NIBAN1: variants seen among roughly 807,000 people sequenced by gnomAD.
NIBAN1 encodes the protein protein Niban 1.
A neutral mutation model predicts 75.1 loss-of-function variants in NIBAN1; 81 were observed. The ratio of observed to expected loss-of-function variants is 1.08; its 90% CI spans 0.90 to 1.30. NIBAN1 has a LOEUF of 1.30. Ranked by LOEUF, NIBAN1 falls within the 50% of genes most tolerant of loss-of-function variation. The pLI, the probability that NIBAN1 is intolerant of heterozygous loss-of-function variation, is 0.00. For missense variants in NIBAN1, 1,133 were observed against 1,128.1 expected, an observed-to-expected ratio of 1.00 and a Z score of -0.06; for synonymous variants, 436 against 424.8, an observed-to-expected ratio of 1.03 and a Z score of -0.32.
chr1:184,944,641 A>G (rs2102054532), intron 1 of NIBAN1, among the ~76,000 whole-genome samples: 1 of 152,358 alleles, frequency 6.6e-6, no homozygotes, highest in East Asian at 1.9e-4. Flanking sequence ...GACAGTAAAG[A>G]AAGCAATGCT....
chr1:184,884,366 G>C (rs1406154997), intron 5 of NIBAN1, among the ~76,000 whole-genome samples: 3 of 151,898 alleles, frequency 2.0e-5, no homozygotes, highest in Non-Finnish European at 4.4e-5. Flanking sequence ...TGGGATTACA[G>C]GTGCCCACCA....
intron 12 of NIBAN1, among the ~76,000 whole-genome samples, chr1:184,798,541 G>T (rs1653941618): frequency 6.6e-6 from 1 of 152,006 alleles, no homozygotes; most frequent in Admixed American, 6.6e-5. Flanking sequence ...TCATCTCAAG[G>T]CCTCATTAGC....
At chr1:184,831,657 TG>T (rs773011111) in intron 6 of NIBAN1, among the ~76,000 whole-genome samples, 189 bp downstream of exon 6, 8 of 152,232 alleles carry the variant, frequency 5.3e-5, no homozygotes, top group Non-Finnish European at 8.8e-5. Flanking sequence ...ATGCCCAGTC[TG>T]GTGGTCTTTG....
rs572700901 is a variant in NIBAN1 at position 184,831,859 on chromosome 1, C to T, written c.705G>A (p.Gly235=). Residue 235 remains glycine, a synonymous_variant, in exon 6 of 14, where the codon GGG becomes GGA. Coordinates refer to ENST00000367511, the MANE Select transcript of NIBAN1 (RefSeq NM_052966.4). ...AACCCCATATTACCTGGATTTCATC[C>T]CCAGTGATCATTTCCCAGGAACCAT... ...GHYGSWEMIT[G]DEIQILSNLV... The T allele has an allele frequency of 1.9e-6, 3 of 1,613,718 alleles. No individual in the cohort carries two copies. The highest frequency in any genetic ancestry group is 2.2e-5 in the East Asian group (1 of 44,870).
rs111608727 is a variant in NIBAN1 at position 184,829,608 on chromosome 1, C to T, written c.717+2239G>A. ...TCAGCCTCCCAAGCAGCTGGGATTA[C>T]AGGACCGCCACCATGCCCAGCTAAT... is the stretch of plus-strand genomic sequence containing the variant. On this transcript the variant is annotated intron_variant, in intron 6 of 13. Transcript: ENST00000367511. Among the ~76,000 whole-genome samples, 272 of 151,740 alleles carry T rather than the reference C, an allele frequency of 1.8e-3. 3 individuals are homozygous for T. Among genetic ancestry groups the T allele is most frequent in the African/African-American group, 6.4e-3 (264 of 41,360 alleles).
rs1174066517 is a variant in NIBAN1, at chr1:184,827,953, G to GTTT, written c.717+3891_717+3893dup. 3.0e-4 allele frequency among the ~76,000 whole-genome samples: 30 copies of GTTT among 100,274 alleles called. 6 individuals carry two copies. Among genetic ancestry groups the GTTT allele is most frequent in the Non-Finnish European group, 5.2e-4 (23 of 44,280 alleles). The allele number at this position is 100,274 out of a possible 152,430, so 65.8% of individuals were successfully genotyped here. On this transcript the variant is annotated intron_variant, in intron 6 of 13. Transcript: ENST00000367511. ...AAGGCCTAAAAATGCGGGTAGTTTT[G>GTTT]TTTTTTGTTTTTTTTTTTTTTTTCC... is the stretch of plus-strand genomic sequence containing the variant.
At chr1:184,857,155 T>C (rs1246168700) in intron 5 of NIBAN1, among the ~76,000 whole-genome samples, 1 of 152,188 alleles carries the variant, frequency 6.6e-6, no homozygotes, top group Non-Finnish European at 1.5e-5. Flanking sequence ...TTCCAACAGA[T>C]AGAGTGCAAG....
intron 5 of NIBAN1, chr1:184,867,824 C>T: frequency 1.0e-6 from 1 of 982,106 alleles, no homozygotes; most frequent in Non-Finnish European, 1.2e-6. Flanking sequence ...GTTTTGCCCC[C>T]AGCATCTAAG....
chr1:184,847,073 T>A lies in NIBAN1; in HGVS notation c.602-15111A>T, dbSNP rs2102260039. ...CTGCAGGATATTATCCAGGAGAACT[T>A]CCCCAATCTAGCAAGGCAGGCCAAC... On this transcript the variant is annotated intron_variant, in intron 5 of 13. Transcript: ENST00000367511. Among the ~76,000 whole-genome samples, 2 of 72,848 alleles carry A rather than the reference T, an allele frequency of 2.7e-5. 1 individual carries two copies. The highest frequency in any genetic ancestry group is 2.9e-4 in the Admixed American group (2 of 6,990). 47.8% of individuals were successfully genotyped at this position (72,848 alleles called of 152,430 possible). A position where few individuals can be genotyped will look rare whatever the true frequency, so the allele number is the denominator to read the frequency against.
At chr1:184,894,853 G>A (rs1436450856) in intron 2 of NIBAN1, among the ~76,000 whole-genome samples, 1 of 152,194 alleles carries the variant, frequency 6.6e-6, no homozygotes, top group African/African-American at 2.4e-5. Context: ...TATATGTGCT[G>A]TGCGGGCATT....
At chr1:184,823,795 A>ACCTTTAGATGCCAACCTTTAGTTG (rs1335850628) in intron 6 of NIBAN1, 53 bp from the exon 7 acceptor site, 6 of 1,481,540 alleles carry the variant, frequency 4.0e-6, no homozygotes, top group Non-Finnish European at 4.7e-6. Flanking sequence ...GCTACATCTG[A>ACCTTTAGATGCCAACCTTTAGTTG]GCATCAGGCC....
At position 184,798,079 on chromosome 1, in the gene NIBAN1, C is replaced by T. The variant is rs1458565877; in HGVS notation, c.1666G>A (p.Val556Met). The change falls in exon 13 of 14, where the codon GTG becomes ATG. Residue 556 changes from valine (V) to methionine (M), a missense_variant and splice_region_variant. Transcript: ENST00000367511. ...HQILLDETLK[V>M]IKEAAILKKH... The stretch of plus-strand genomic sequence containing the variant: ...TGCAGCACCAGGTAACCTTTCTTAC[C>T]TTTCAGAGTTTCATCAAGCAGGATC... 6.2e-7 allele frequency: 1 copy of T among 1,604,822 alleles called. No homozygotes were observed. Among genetic ancestry groups the T allele is most frequent in the East Asian group, 2.2e-5 (1 of 44,736 alleles).
chr1:184,959,005 A>G (rs1431689679), intron 1 of NIBAN1, among the ~76,000 whole-genome samples: 1 of 152,242 alleles, frequency 6.6e-6, no homozygotes, highest in Non-Finnish European at 1.5e-5. Context: ...AACGCATTCA[A>G]TCCAAATTTG....
intron 5 of NIBAN1, among the ~76,000 whole-genome samples, chr1:184,844,651 C>G (rs1571512873): frequency 6.6e-6 from 1 of 152,204 alleles, no homozygotes; most frequent in Admixed American, 6.5e-5. Context: ...GATTTCTAGT[C>G]CCATGCAGAT....
At position 184,795,155 on chromosome 1, in the gene NIBAN1, C is replaced by T. The variant is rs779121211; in HGVS notation, c.2609G>A (p.Ser870Asn). The change falls in exon 14 of 14, where the codon AGC becomes AAC. Residue 870 changes from serine (S) to asparagine (N), a missense_variant. Coordinates refer to ENST00000367511, the MANE Select transcript of NIBAN1 (RefSeq NM_052966.4). ...EEQEEMGGQS[S>N]AAQATASVNA... ...CACACTGGCCGTGGCCTGGGCCGCGCTGCTTTGCCCTCCCATCTCTTCTTG... is the reference window on the plus strand; with the variant it reads ...CACACTGGCCGTGGCCTGGGCCGCGTTGCTTTGCCCTCCCATCTCTTCTTG... The T allele has an allele frequency of 6.2e-7, 1 of 1,614,210 alleles. No individual in the cohort carries two copies. Among genetic ancestry groups the T allele is most frequent in the South Asian group, 1.1e-5 (1 of 91,090 alleles).
At position 184,909,491 on chromosome 1, in the gene NIBAN1, T is replaced by C. The variant is rs533541101; in HGVS notation, c.56-10182A>G. ...CATTCTGTTAGTCTGGGGATATGTG[T>C]AACAGTAAGGAATGAACTTGGCTAG... On this transcript the variant is annotated intron_variant, in intron 1 of 13. Coordinates refer to ENST00000367511, the MANE Select transcript of NIBAN1 (RefSeq NM_052966.4). Among the ~76,000 whole-genome samples the C allele has an allele frequency of 1.9e-4, 29 of 152,260 alleles. 2 individuals are homozygous for C. The South Asian group carries it at 6.0e-3, about 32-fold the overall frequency.
intron 1 of NIBAN1, among the ~76,000 whole-genome samples, chr1:184,959,186 C>G (rs1658567761): frequency 6.8e-6 from 1 of 147,936 alleles, no homozygotes; most frequent in Admixed American, 6.7e-5. Context: ...CCAGACCAGC[C>G]ACATCTCAGC....
intron 9 of NIBAN1, among the ~76,000 whole-genome samples, chr1:184,815,552 C>G (rs1398978459): frequency 6.6e-6 from 1 of 152,212 alleles, no homozygotes; most frequent in Non-Finnish European, 1.5e-5. Flanking sequence ...TATCACAAGA[C>G]TCTGATCTTT....
chr1:184,914,205 C>T (rs560538002), intron 1 of NIBAN1, among the ~76,000 whole-genome samples: 4 of 152,278 alleles, frequency 2.6e-5, no homozygotes, highest in African/African-American at 7.2e-5. Flanking sequence ...GGTTCCACTA[C>T]GTATTAATTA....
Sources: gnomAD v4.1 joint callset for allele counts (sites outside exome capture counted in the v4.1 genomes callset) on GRCh38, gnomAD v4.1.1 for gene constraint, MANE v1.5 for transcripts, NCBI Gene and HGNC (gene_info 2026-07-23, HGNC 2026-07-21) for gene names.